DYM: variants seen among roughly 807,000 people sequenced by gnomAD.
DYM encodes the protein dymeclin, also known as dyggve-Melchior-Clausen syndrome protein.
In DYM, 78 loss-of-function variants were observed where a neutral mutation model predicts 93.1. That is an observed-to-expected ratio of 0.84 (90% CI 0.70 to 1.01). DYM has a LOEUF of 1.01. Among genes scored for constraint, DYM ranks in the 50% least tolerant of loss-of-function variants. The probability of loss-of-function intolerance (pLI) is 0.00; values close to 1 mark genes in which losing one functional copy is unlikely to be tolerated. For synonymous variants in DYM, 321 were observed against 319.7 expected (o/e 1.00, Z -0.04); for missense variants, 789 against 845.0 (o/e 0.93, Z 0.82).
In DYM at chr18:49,040,922, C is replaced by T. The variant is rs75174418; in HGVS notation, c.*3133G>A. On this transcript the variant is annotated 3_prime_UTR_variant, in exon 18 of 18. Transcript: ENST00000675505. ...TCACTAAATATTTCTCTTGGATGTA[C>T]CTTAGCAAGCTCTTAGGAAGTTGCT... Among the ~76,000 whole-genome samples, 1,184 of 152,328 alleles carry T rather than the reference C, an allele frequency of 7.8e-3. 24 individuals carry two copies. The highest frequency in any genetic ancestry group is 0.067 in the South Asian group (323 of 4,828).
chr18:49,232,600 C>A (rs528594114), intron 13 of DYM, among the ~76,000 whole-genome samples: 12 of 131,802 alleles, frequency 9.1e-5, no homozygotes, highest in African/African-American at 1.3e-4. Flanking sequence ...CTGTGCCCGG[C>A]CTCTTTTTTT....
intron 1 of DYM, among the ~76,000 whole-genome samples, chr18:49,443,212 T>C (rs1388008865): frequency 6.6e-6 from 1 of 152,208 alleles, no homozygotes; most frequent in Non-Finnish European, 1.5e-5. Context: ...GTGTAAATTA[T>C]ATGAAAAGAA....
At chr18:49,321,376 A>T in intron 8 of DYM, 1 of 398,220 alleles carries the variant, frequency 2.5e-6, no homozygotes, top group Non-Finnish European at 4.4e-6. Context: ...TTCCCTTCAA[A>T]TCTGTTAACA....
intron 17 of DYM, among the ~76,000 whole-genome samples, chr18:49,071,036 T>C (rs1045936464): frequency 1.3e-5 from 2 of 152,170 alleles, no homozygotes; most frequent in Non-Finnish European, 2.9e-5. Flanking sequence ...AGGACAAAAA[T>C]AATCACTGAT....
chr18:49,140,196 A>G (rs1287168826), intron 15 of DYM, among the ~76,000 whole-genome samples: 1 of 152,158 alleles, frequency 6.6e-6, no homozygotes, highest in Non-Finnish European at 1.5e-5. Flanking sequence ...TTCAGAAGAC[A>G]CACACACACA....
At chr18:49,224,798 T>C (rs1028280904) in intron 13 of DYM, among the ~76,000 whole-genome samples, 3 of 152,072 alleles carry the variant, frequency 2.0e-5, no homozygotes, top group African/African-American at 7.2e-5. Context: ...GCTATTTTGT[T>C]ATAGCAACCC....
chr18:49,226,274 G>A (rs2093527969), intron 13 of DYM, among the ~76,000 whole-genome samples: 1 of 152,096 alleles, frequency 6.6e-6, no homozygotes, highest in South Asian at 2.1e-4. Context: ...ATATTTACAG[G>A]TGTAGATAAA....
chr18:49,345,967 T>C (rs1037550789), intron 6 of DYM, among the ~76,000 whole-genome samples: 3 of 152,288 alleles, frequency 2.0e-5, no homozygotes, highest in South Asian at 4.1e-4. Context: ...CAGAACATTA[T>C]ATAGCTTTTG....
intron 8 of DYM, among the ~76,000 whole-genome samples, chr18:49,299,682 A>C (rs531711715): frequency 6.6e-6 from 1 of 152,284 alleles, no homozygotes; most frequent in African/African-American, 2.4e-5. Flanking sequence ...TATTACATTA[A>C]ATAGGAAAAC....
At chr18:49,159,714 T>G (rs1311377671) in intron 15 of DYM, among the ~76,000 whole-genome samples, 1 of 152,110 alleles carries the variant, frequency 6.6e-6, no homozygotes, top group African/African-American at 2.4e-5. Context: ...AGACCCAATC[T>G]CTACATTTTG....
intron 8 of DYM, among the ~76,000 whole-genome samples, chr18:49,289,119 T>G (rs974033206): frequency 6.6e-6 from 1 of 152,188 alleles, no homozygotes; most frequent in South Asian, 2.1e-4. Context: ...ATAAAGGTAG[T>G]GTGCCAGATC....
At chr18:49,257,361 G>A (rs2094409490) in intron 12 of DYM, among the ~76,000 whole-genome samples, 1 of 152,124 alleles carries the variant, frequency 6.6e-6, no homozygotes. Context: ...TTTTGCTACA[G>A]AAATATAACG....
intron 17 of DYM, among the ~76,000 whole-genome samples, chr18:49,080,277 G>C (rs1431377134): frequency 1.5e-5 from 2 of 135,354 alleles, no homozygotes; most frequent in African/African-American, 5.6e-5. Flanking sequence ...TTCCCAGTAG[G>C]GGCGGCGGGG....
At chr18:49,190,837 T>C (rs2090898301) in intron 14 of DYM, among the ~76,000 whole-genome samples, 2 of 152,192 alleles carry the variant, frequency 1.3e-5, no homozygotes. Flanking sequence ...AAGACCTTTA[T>C]GATGATCCAT....
At position 49,380,145 on chromosome 18, in the gene DYM, A is replaced by T. The variant is rs561656169; in HGVS notation, c.194-387T>A. ...AGTATATAGAATATAATAAACTATA[A>T]AAGTTTATTAAATCTAAAACACTCT... On this transcript the variant is annotated intron_variant, in intron 3 of 17. Transcript: ENST00000675505. Among the ~76,000 whole-genome samples, 109 of 152,324 alleles carry T rather than the reference A, an allele frequency of 7.2e-4. 2 individuals carry two copies. Among genetic ancestry groups the T allele is most frequent in the African/African-American group, 2.6e-3 (108 of 41,592 alleles).
intron 15 of DYM, among the ~76,000 whole-genome samples, chr18:49,135,439 G>C (rs2083756657): frequency 1.3e-5 from 2 of 152,146 alleles, no homozygotes; most frequent in Admixed American, 6.5e-5. Context: ...CCGTGGGCGA[G>C]GGTCTGAACC....
Position 49,118,793 on chromosome 18 carries a change from T to C in DYM, c.1862A>G (p.Gln621Arg). 6.2e-7 allele frequency: 1 copy of C among 1,614,142 alleles called. No individual in the cohort carries two copies. Among genetic ancestry groups the C allele is most frequent in the South Asian group, 1.1e-5 (1 of 91,078 alleles). Residue 621 changes from glutamine (Q) to arginine (R), a missense_variant, in exon 16 of 18, where the codon CAA becomes CGA. Coordinates refer to ENST00000675505, the MANE Select transcript of DYM (RefSeq NM_001353214.3). ...CTGAAATGAAGGATGAGTTCGAAAT[T>C]GTTCAAAGAGATCGCGTTTGTAAAG... ...ALLYKRDLFE[Q>R]FRTHPSFQDI... is the part of the protein sequence containing the mutation.
chr18:49,198,283 A>G (rs2091666223), intron 14 of DYM, among the ~76,000 whole-genome samples: 1 of 152,222 alleles, frequency 6.6e-6, no homozygotes, highest in African/African-American at 2.4e-5. Context: ...AAACCCTAGA[A>G]GAAAACCTAG....
At chr18:49,130,132 C>T in intron 15 of DYM, among the ~76,000 whole-genome samples, 1 of 152,292 alleles carries the variant, frequency 6.6e-6, no homozygotes, top group Non-Finnish European at 1.5e-5. Flanking sequence ...CACAGGGACT[C>T]TCCAGGATTG....
Sources: gnomAD v4.1 joint callset for allele counts (sites outside exome capture counted in the v4.1 genomes callset) on GRCh38, gnomAD v4.1.1 for gene constraint, MANE v1.5 for transcripts, NCBI Gene and HGNC (gene_info 2026-07-23, HGNC 2026-07-21) for gene names.